The following SIPA1L1 variants were observed in gnomAD, a reference collection of about 807,000 sequenced individuals.
SIPA1L1 encodes signal induced proliferation associated 1 like 1.
SIPA1L1 carries 26 observed loss-of-function variants against 162.7 expected under a neutral mutation model. The ratio of observed to expected loss-of-function variants is 0.16; its 90% CI spans 0.12 to 0.22. The LOEUF (loss-of-function observed/expected upper bound fraction) is 0.22. Ranked by LOEUF, SIPA1L1 falls within the 10% of genes least tolerant of loss-of-function variation. SIPA1L1 has a pLI of 1.00. For missense variants in SIPA1L1, 1,874 were observed against 2,241.0 expected, an observed-to-expected ratio of 0.84 and a Z score of 3.31; for synonymous variants, 829 against 837.4, an observed-to-expected ratio of 0.99 and a Z score of 0.17.
rs1178903425 is a variant in SIPA1L1 at position 71,643,118 on chromosome 14, GC to G, written c.1819-7216del. 8.5e-5 allele frequency among the ~76,000 whole-genome samples: 13 copies of G among 152,118 alleles called. 1 individual carries two copies. Among genetic ancestry groups the G allele is most frequent in the Admixed American group, 6.6e-4 (10 of 15,266 alleles). ...TCCAGATTTTCCACATATGATGCAA[GC>G]AGACCCAAGAAACTCAATGAGCCCT... is the stretch of plus-strand genomic sequence containing the variant. On this transcript the variant is annotated intron_variant, in intron 7 of 23. Coordinates refer to ENST00000381232, the MANE Select transcript of SIPA1L1 (RefSeq NM_001386936.1).
chr14:71,684,627 G>A (rs1351296092), intron 12 of SIPA1L1, among the ~76,000 whole-genome samples: 1 of 152,110 alleles, frequency 6.6e-6, no homozygotes, highest in East Asian at 1.9e-4. Context: ...TCAGAGCCTG[G>A]TCATGGTGTG....
intron 3 of SIPA1L1, 93 bp from the exon 4 acceptor site, chr14:71,529,219 A>G: frequency 2.4e-6 from 1 of 424,260 alleles, no homozygotes; most frequent in South Asian, 8.4e-5. Context: ...CTCTTCTAGA[A>G]CAAAGATAAG....
chr14:71,557,384 A>G (rs974506824), intron 4 of SIPA1L1, among the ~76,000 whole-genome samples: 3 of 152,202 alleles, frequency 2.0e-5, no homozygotes, highest in African/African-American at 7.2e-5. Context: ...TTAATTTCAA[A>G]CTAAGTCCTT....
chr14:71,431,908 A>G (rs2044017756), intron 2 of SIPA1L1, among the ~76,000 whole-genome samples: 2 of 152,110 alleles, frequency 1.3e-5, no homozygotes, highest in Admixed American at 1.3e-4. Flanking sequence ...ATGAAAACCC[A>G]AAGATACAGG....
chr14:71,363,447 T>C (rs990941063), intron 2 of SIPA1L1, among the ~76,000 whole-genome samples: 6 of 152,110 alleles, frequency 3.9e-5, no homozygotes, highest in South Asian at 2.1e-4. Context: ...TGAGTTGAGA[T>C]TGTCATAGTG....
At position 71,393,317 on chromosome 14, in the gene SIPA1L1, G is replaced by A. The variant is rs146857418; in HGVS notation, c.-465+72136G>A. Among the ~76,000 whole-genome samples, 372 of 152,302 alleles carry A rather than the reference G, an allele frequency of 2.4e-3. 1 individual carries two copies. The highest frequency in any genetic ancestry group is 6.8e-3 in the Middle Eastern group (2 of 294). On this transcript the variant is annotated intron_variant, in intron 2 of 23. Transcript: ENST00000381232. Reference sequence around the variant, plus strand: ...AGGAAAATTTAAAATAAGTAATTGTGTAAAGAAAGATGATATTAATATGCA... The same window carrying A: ...AGGAAAATTTAAAATAAGTAATTGTATAAAGAAAGATGATATTAATATGCA...
chr14:71,470,411 A>C (rs1178062983), intron 2 of SIPA1L1, among the ~76,000 whole-genome samples: 1 of 152,214 alleles, frequency 6.6e-6, no homozygotes, highest in Non-Finnish European at 1.5e-5. Context: ...GCAGCGCCCA[A>C]ACTTTTTAAG....
chr14:71,570,395 C>T (rs2031743228), intron 4 of SIPA1L1, among the ~76,000 whole-genome samples: 1 of 152,054 alleles, frequency 6.6e-6, no homozygotes, highest in South Asian at 2.1e-4. Context: ...ACCTCAGCCT[C>T]TCAGGTAGCT....
intron 2 of SIPA1L1, among the ~76,000 whole-genome samples, chr14:71,437,055 C>T (rs953032505): frequency 1.1e-4 from 16 of 152,088 alleles, no homozygotes; most frequent in African/African-American, 3.9e-4. Flanking sequence ...TGAGCTGCTG[C>T]ACCCGGCCAG....
At chr14:71,646,009 G>A (rs2042123408) in intron 7 of SIPA1L1, among the ~76,000 whole-genome samples, 1 of 152,104 alleles carries the variant, frequency 6.6e-6, no homozygotes, top group African/African-American at 2.4e-5. Flanking sequence ...GCCGCTTTCT[G>A]GCCATGATAC....
At position 71,410,388 on chromosome 14, in the gene SIPA1L1, T is replaced by TG. The variant is rs538741774; in HGVS notation, c.-465+89208dup. On this transcript the variant is annotated intron_variant, in intron 2 of 23. Transcript: ENST00000381232. Reference sequence around the variant, plus strand: ...GAGGGGCATTTGGTAGAGTGGTGGATGTGATGCTCTAGCTAATTCATAATC... The same window carrying TG: ...GAGGGGCATTTGGTAGAGTGGTGGATGGTGATGCTCTAGCTAATTCATAATC... 6.6e-5 allele frequency among the ~76,000 whole-genome samples: 10 copies of TG among 152,320 alleles called. 1 individual carries two copies. In the South Asian group the frequency reaches 1.0e-3, roughly 16 times the overall value.
At chr14:71,549,275 C>A (rs542913496) in intron 4 of SIPA1L1, among the ~76,000 whole-genome samples, 4 of 152,038 alleles carry the variant, frequency 2.6e-5, no homozygotes, top group African/African-American at 7.2e-5. Flanking sequence ...GGAATTCTAC[C>A]TTTTCATTCA....
intron 4 of SIPA1L1, among the ~76,000 whole-genome samples, chr14:71,532,571 C>G (rs1017225709): frequency 6.6e-6 from 1 of 152,182 alleles, no homozygotes; most frequent in Admixed American, 6.5e-5. Context: ...CTTGAAAGCA[C>G]TGGCCATAGA....
At chr14:71,644,598 T>C (rs1019526971) in intron 7 of SIPA1L1, among the ~76,000 whole-genome samples, 2 of 152,202 alleles carry the variant, frequency 1.3e-5, no homozygotes, top group Non-Finnish European at 2.9e-5. Context: ...TTTGGAAAAA[T>C]TGGTTCTCTT....
At chr14:71,677,876 G>C (rs961485315) in intron 12 of SIPA1L1, among the ~76,000 whole-genome samples, 1 of 152,150 alleles carries the variant, frequency 6.6e-6, no homozygotes, top group African/African-American at 2.4e-5. Context: ...GGTTACTGTA[G>C]CCTTGTAGTA....
At position 71,518,321 on chromosome 14, in the gene SIPA1L1, CTTTAG is replaced by C. The variant is rs752937518; in HGVS notation, c.-362+5479_-362+5483del. On this transcript the variant is annotated intron_variant, in intron 3 of 23. Transcript: ENST00000381232. Reference sequence around the variant, plus strand: ...TGTATTTTATTTTTTAAATGCAAGTCTTTAGTTAAGTTGGGATTTATTTTTATATA... The same window carrying C: ...TGTATTTTATTTTTTAAATGCAAGTCTTAAGTTGGGATTTATTTTTATATA... Among the ~76,000 whole-genome samples, 66 of 151,978 alleles carry C rather than the reference CTTTAG, an allele frequency of 4.3e-4. No homozygotes were observed. In the Middle Eastern group the frequency reaches 0.01, roughly 23 times the overall value.
chr14:71,658,271 C>T (rs983135982), intron 8 of SIPA1L1, 62 bp from the exon 9 acceptor site: 12 of 816,656 alleles, frequency 1.5e-5, no homozygotes, highest in South Asian at 1.1e-4. Flanking sequence ...TGAGATATTT[C>T]TCTTAAATAA....
intron 4 of SIPA1L1, among the ~76,000 whole-genome samples, chr14:71,539,946 C>G (rs1241844717): frequency 1.3e-5 from 2 of 152,180 alleles, no homozygotes; most frequent in Non-Finnish European, 2.9e-5. Flanking sequence ...TGCCTCTGTG[C>G]AAGACATTAT....
At chr14:71,622,883 CA>C (rs2148574911) in intron 6 of SIPA1L1, among the ~76,000 whole-genome samples, 1 of 152,346 alleles carries the variant, frequency 6.6e-6, no homozygotes, top group East Asian at 1.9e-4. Context: ...CCCCAGCTCA[CA>C]GCTGCCTCAT....
Sources: gnomAD v4.1 joint callset for allele counts (sites outside exome capture counted in the v4.1 genomes callset) on GRCh38, gnomAD v4.1.1 for gene constraint, MANE v1.5 for transcripts, NCBI Gene and HGNC (gene_info 2026-07-23, HGNC 2026-07-21) for gene names.